The following PRKN variants were observed in gnomAD, a reference collection of about 807,000 sequenced individuals.
PRKN encodes the protein E3 ubiquitin-protein ligase parkin.
PRKN carries 56 observed loss-of-function variants against 59.5 expected under a neutral mutation model. The ratio of observed to expected loss-of-function variants is 0.94; its 90% CI spans 0.76 to 1.18. The LOEUF is 1.18. Among genes scored for constraint, PRKN ranks in the 50% most tolerant of loss-of-function variants. The probability of loss-of-function intolerance (pLI) is 0.00; values close to 1 mark genes in which losing one functional copy is unlikely to be tolerated. For synonymous variants in PRKN, 250 were observed against 222.1 expected, an observed-to-expected ratio of 1.13 and a Z score of -1.12; for missense variants, 657 against 596.4, an observed-to-expected ratio of 1.10 and a Z score of -1.06.
At chr6:161,643,631 A>C (rs1321708825) in intron 7 of PRKN, among the ~76,000 whole-genome samples, 1 of 152,222 alleles carries the variant, frequency 6.6e-6, no homozygotes, top group Non-Finnish European at 1.5e-5. Context: ...TCATATAACT[A>C]TCTCTCAATA....
intron 1 of PRKN, among the ~76,000 whole-genome samples, chr6:162,511,986 C>G (rs1209753505): frequency 6.6e-6 from 1 of 152,130 alleles, no homozygotes; most frequent in Non-Finnish European, 1.5e-5. Flanking sequence ...ATTTGAAGCA[C>G]AACACCTTAT....
Position 161,414,016 on chromosome 6 carries a change from C to G in PRKN, c.1084-27139G>C, listed in dbSNP as rs1007593493. 6.6e-6 allele frequency among the ~76,000 whole-genome samples: 1 copy of G among 152,010 alleles called. No homozygotes were observed. The highest frequency in any genetic ancestry group is 1.9e-4 in the East Asian group (1 of 5,192). ...GCCTGAGAGAAGCAGCCAGGCAGAG[C>G]GGTGGGACGTGAAACTCCTCGACAG... On this transcript the variant is annotated intron_variant, in intron 9 of 11. Coordinates refer to ENST00000366898, the MANE Select transcript of PRKN (RefSeq NM_004562.3). The surrounding 1 kb of genome is among the most constrained non-coding windows in gnomAD (Gnocchi z 5.3).
chr6:162,203,129 T>C (rs910100606), intron 3 of PRKN, among the ~76,000 whole-genome samples: 2 of 152,182 alleles, frequency 1.3e-5, no homozygotes, highest in African/African-American at 4.8e-5. Flanking sequence ...TAAGTGACTC[T>C]TCTCTCTCCC....
chr6:162,626,377 T>C (rs552185848), intron 1 of PRKN, among the ~76,000 whole-genome samples: 1 of 152,318 alleles, frequency 6.6e-6, no homozygotes, highest in African/African-American at 2.4e-5. Context: ...CAAAAAGCTT[T>C]TCCCCTCAAA....
In PRKN at chr6:162,262,662, G is replaced by T; in HGVS notation, c.275C>A (p.Ala92Glu). Residue 92 changes from alanine (A) to glutamate (E), a missense_variant, in exon 3 of 12, where the codon GCG (alanine) becomes GAG (glutamate). By Grantham distance (107) the Ala-to-Glu change is moderately radical. Transcript: ENST00000366898. ...CTGGGGCTCCCGCTCACAGCCTCCCGCCGCGTTTCTGGGGTCGTCGCCTCC... is the reference window on the plus strand; with the variant it reads ...CTGGGGCTCCCGCTCACAGCCTCCCTCCGCGTTTCTGGGGTCGTCGCCTCC... ...ATGGDDPRNA[A>E]GGCEREPQSL... 1 of 1,613,546 alleles carries T rather than the reference G, an allele frequency of 6.2e-7. No homozygotes were observed.
At chr6:161,412,867 C>T (rs1787652751) in intron 9 of PRKN, among the ~76,000 whole-genome samples, 1 of 152,082 alleles carries the variant, frequency 6.6e-6, no homozygotes, top group African/African-American at 2.4e-5. Context: ...TCTTTCCTCA[C>T]TCATTCCTCC....
At chr6:161,801,130 T>C (rs2128210596) in intron 6 of PRKN, among the ~76,000 whole-genome samples, 1 of 152,238 alleles carries the variant, frequency 6.6e-6, no homozygotes, top group South Asian at 2.1e-4. Flanking sequence ...ACACCCACTG[T>C]CCACAGCCCA....
chr6:161,790,480 C>G (rs549386974), intron 6 of PRKN, among the ~76,000 whole-genome samples: 7 of 152,244 alleles, frequency 4.6e-5, no homozygotes, highest in African/African-American at 1.4e-4. Flanking sequence ...TGTTAAAATC[C>G]TTATCTCCAA....
At chr6:162,110,164 T>C (rs1780362961) in intron 4 of PRKN, among the ~76,000 whole-genome samples, 1 of 152,228 alleles carries the variant, frequency 6.6e-6, no homozygotes, top group South Asian at 2.1e-4. Context: ...ATGTGGGTTC[T>C]CACTATGGGA....
At chr6:162,530,049 G>A (rs763297451) in intron 1 of PRKN, among the ~76,000 whole-genome samples, 18 of 151,642 alleles carry the variant, frequency 1.2e-4, no homozygotes, top group Admixed American at 2.6e-4. Context: ...AGAATTGCTT[G>A]AACCTGGGAG....
chr6:161,372,897 A>G lies in PRKN; in HGVS notation c.1168-12692T>C, dbSNP rs1458277768. 6.8e-6 allele frequency among the ~76,000 whole-genome samples: 1 copy of G among 145,986 alleles called. No homozygotes were observed. The highest frequency in any genetic ancestry group is 2.6e-5 in the African/African-American group (1 of 38,810). Reference sequence around the variant, plus strand: ...CAGGCTGGAGTGCTGTGGCAAGATCATAGCTCACTCTAGCCTGGAAATCCT... The same window carrying G: ...CAGGCTGGAGTGCTGTGGCAAGATCGTAGCTCACTCTAGCCTGGAAATCCT... On this transcript the variant is annotated intron_variant, in intron 10 of 11. Transcript: ENST00000366898. This position sits in a 1 kb window ranked among gnomAD's most constrained non-coding sequence, Gnocchi z 4.2.
chr6:161,907,488 T>A (rs1417925381), intron 6 of PRKN, among the ~76,000 whole-genome samples: 1 of 152,324 alleles, frequency 6.6e-6, no homozygotes, highest in East Asian at 1.9e-4. Context: ...AGCACTGAAT[T>A]TTGCTAACAG....
chr6:162,088,463 T>C (rs1453150805), intron 4 of PRKN, among the ~76,000 whole-genome samples: 2 of 152,208 alleles, frequency 1.3e-5, no homozygotes, highest in Non-Finnish European at 2.9e-5. Flanking sequence ...TTCTAATCCT[T>C]AAGATAATTG....
rs916011945 is a variant in PRKN at position 161,543,518 on chromosome 6, G to A, written c.1083+5336C>T. ...TTCCCTGACAAACCTGCCTCCGAGC[G>A]ACACAGCATGGTGTTTGTTTAAGGA... is the stretch of plus-strand genomic sequence containing the variant. On this transcript the variant is annotated intron_variant, in intron 9 of 11. Coordinates refer to ENST00000366898, the MANE Select transcript of PRKN (RefSeq NM_004562.3). Among the ~76,000 whole-genome samples, 7 of 152,162 alleles carry A rather than the reference G, an allele frequency of 4.6e-5. No homozygotes were observed. In the East Asian group the frequency reaches 9.6e-4, roughly 21 times the overall value.
intron 6 of PRKN, among the ~76,000 whole-genome samples, chr6:161,888,336 G>A (rs996783465): frequency 2.0e-5 from 3 of 152,074 alleles, no homozygotes; most frequent in Non-Finnish European, 2.9e-5. Flanking sequence ...AGCTAGCATC[G>A]AGGTCATTTT....
At chr6:162,127,600 T>C (rs550601365) in intron 4 of PRKN, among the ~76,000 whole-genome samples, 1 of 152,246 alleles carries the variant, frequency 6.6e-6, no homozygotes, top group East Asian at 1.9e-4. Flanking sequence ...AGGAATCAAA[T>C]GAGAAAAGAA....
At chr6:162,389,007 G>A (rs912875683) in intron 2 of PRKN, among the ~76,000 whole-genome samples, 943 of 103,418 alleles carry the variant, frequency 9.1e-3, no homozygotes, top group Non-Finnish European at 0.01. Flanking sequence ...AGTTCCTCCA[G>A]AAAAAAAAAA....
intron 5 of PRKN, among the ~76,000 whole-genome samples, chr6:162,011,941 T>G (rs1384807907): frequency 6.6e-6 from 1 of 151,950 alleles, no homozygotes; most frequent in Non-Finnish European, 1.5e-5. Context: ...GAGATTTAGG[T>G]AGATATATAT....
chr6:162,632,344 A>G (rs1248380114), intron 1 of PRKN, among the ~76,000 whole-genome samples: 1 of 152,254 alleles, frequency 6.6e-6, no homozygotes, highest in East Asian at 1.9e-4. Context: ...GAATGAAATC[A>G]TGTCCTTTGC....
Sources: gnomAD v4.1 joint callset for allele counts (sites outside exome capture counted in the v4.1 genomes callset) on GRCh38, gnomAD v4.1.1 for gene constraint, Gnocchi (gnomAD v3.1) non-coding constraint, MANE v1.5 for transcripts, NCBI Gene and HGNC (gene_info 2026-07-23, HGNC 2026-07-21) for gene names.